RBFOX1: variants seen among roughly 807,000 people sequenced by gnomAD.
RBFOX1 encodes the protein RNA binding fox-1 homolog 1.
RBFOX1 carries 8 observed loss-of-function variants against 57.7 expected under a neutral mutation model. The ratio of observed to expected loss-of-function variants is 0.14; its 90% CI spans 0.08 to 0.25. The LOEUF (loss-of-function observed/expected upper bound fraction) is 0.25, where lower values mean the gene tolerates loss of function less well. Among genes scored for constraint, RBFOX1 ranks in the 10% least tolerant of loss-of-function variants. The probability of loss-of-function intolerance (pLI) is 1.00; values close to 1 mark genes in which losing one functional copy is unlikely to be tolerated. For missense variants in RBFOX1, 611 were observed against 548.5 expected (o/e 1.11, Z -1.14); for synonymous variants, 326 against 222.4 (o/e 1.47, Z -4.15).
intron 1 of RBFOX1, among the ~76,000 whole-genome samples, chr16:6,227,020 A>G (rs1169225478): frequency 6.6e-6 from 1 of 151,170 alleles, no homozygotes; most frequent in Admixed American, 6.6e-5. Flanking sequence ...GCTACTTGGG[A>G]GGCTGAGGCA....
chr16:6,331,130 G>A (rs1363016140), intron 2 of RBFOX1, among the ~76,000 whole-genome samples: 1 of 152,102 alleles, frequency 6.6e-6, no homozygotes, highest in Non-Finnish European at 1.5e-5. Flanking sequence ...TGAAGAGGAG[G>A]CAAAAAGAAC....
intron 2 of RBFOX1, among the ~76,000 whole-genome samples, chr16:5,507,210 C>T (rs2043409293): frequency 6.6e-6 from 1 of 152,140 alleles, no homozygotes; most frequent in African/African-American, 2.4e-5. Context: ...GAATAAGCAA[C>T]ACCAACCACT....
At chr16:5,668,661 C>A (rs763996646) in intron 3 of RBFOX1, among the ~76,000 whole-genome samples, 6 of 152,208 alleles carry the variant, frequency 3.9e-5, no homozygotes, top group Non-Finnish European at 8.8e-5. Flanking sequence ...CCAGCAGTTT[C>A]TTCCTCTCCT....
intron 5 of RBFOX1, among the ~76,000 whole-genome samples, chr16:7,537,925 C>G (rs2081940410): frequency 6.6e-6 from 1 of 152,186 alleles, no homozygotes. Context: ...AGAGAATCTG[C>G]CTTTTGGGCA....
intron 2 of RBFOX1, among the ~76,000 whole-genome samples, chr16:6,574,930 C>G (rs1021456704): frequency 6.6e-6 from 1 of 150,844 alleles, no homozygotes; most frequent in Non-Finnish European, 1.5e-5. Context: ...CCCAGCTACT[C>G]GGGAGGCTGA....
intron 2 of RBFOX1, among the ~76,000 whole-genome samples, chr16:5,483,174 A>T (rs2069605599): frequency 6.6e-6 from 1 of 152,206 alleles, no homozygotes; most frequent in Non-Finnish European, 1.5e-5. Context: ...TCATCCTCGG[A>T]GTCCAGAGTC....
intron 3 of RBFOX1, among the ~76,000 whole-genome samples, chr16:5,606,620 A>C (rs1298984422): frequency 1.3e-5 from 2 of 152,192 alleles, no homozygotes; most frequent in African/African-American, 4.8e-5. Flanking sequence ...AAGCGCTTGC[A>C]GTCTGTGAGG....
chr16:6,627,702 G>A (rs550251594), intron 2 of RBFOX1, among the ~76,000 whole-genome samples: 8 of 152,132 alleles, frequency 5.3e-5, no homozygotes, highest in Non-Finnish European at 1.0e-4. Context: ...AAACAAAGAC[G>A]CAAAAGTGAG....
chr16:7,709,446 ACTTTTTTTTTT>A (rs1308468024), intron 15 of RBFOX1: 7 of 1,373,446 alleles, frequency 5.1e-6, no homozygotes, highest in African/African-American at 1.5e-5. Context: ...TCAATGCAGA[ACTTTTTTTTTT>A]CTTTTTTTTT....
rs74485717 is a variant in RBFOX1, at chr16:7,445,148, T to G, written c.28-72999T>G. Among the ~76,000 whole-genome samples, 260 of 152,164 alleles carry G rather than the reference T, an allele frequency of 1.7e-3. 12 individuals carry two copies. In the East Asian group the frequency reaches 0.047, roughly 28 times the overall value. Reference sequence around the variant, plus strand: ...GGTACAGGGTGGGGATAGTCCCTTTTAAAGGGCTCAGCATGTGCCTGGGCA... The same window carrying G: ...GGTACAGGGTGGGGATAGTCCCTTTGAAAGGGCTCAGCATGTGCCTGGGCA... On this transcript the variant is annotated intron_variant, in intron 4 of 15. Transcript: ENST00000550418.
chr16:6,622,187 A>G (rs553624463), intron 2 of RBFOX1, among the ~76,000 whole-genome samples: 3 of 152,344 alleles, frequency 2.0e-5, no homozygotes, highest in African/African-American at 4.8e-5. Flanking sequence ...TATTTTTGCT[A>G]CATTCTTGGC....
chr16:7,136,924 G>A (rs1600637592), intron 4 of RBFOX1, among the ~76,000 whole-genome samples: 2 of 152,266 alleles, frequency 1.3e-5, no homozygotes, highest in South Asian at 4.1e-4. Context: ...GTTTGCGCTG[G>A]GGCCCTTTCA....
At chr16:7,645,243 G>A (rs1369005760) in intron 11 of RBFOX1, among the ~76,000 whole-genome samples, 1 of 152,126 alleles carries the variant, frequency 6.6e-6, no homozygotes, top group African/African-American at 2.4e-5. Context: ...GTTATGTAAA[G>A]AGATTCAATT....
Position 7,681,046 on chromosome 16 carries a change from A to G in RBFOX1, c.995+4208A>G, listed in dbSNP as rs77642418. Among the ~76,000 whole-genome samples the G allele has an allele frequency of 0.013, 2,042 of 152,276 alleles. 105 individuals carry two copies. The East Asian group carries it at 0.19, about 14-fold the overall frequency. ...TGCTAGAGAACGTAAGTTAAATATGACATTCATAACCTATGAATAAAAGGT... is the reference window on the plus strand; with the variant it reads ...TGCTAGAGAACGTAAGTTAAATATGGCATTCATAACCTATGAATAAAAGGT... On this transcript the variant is annotated intron_variant, in intron 14 of 15. Coordinates refer to ENST00000550418, the MANE Select transcript of RBFOX1 (RefSeq NM_018723.4).
chr16:6,695,957 A>G lies in RBFOX1; in HGVS notation c.-16+41307A>G, dbSNP rs72636205. Among the ~76,000 whole-genome samples the G allele has an allele frequency of 4.1e-3, 622 of 152,310 alleles. 19 individuals carry two copies. The East Asian group carries it at 0.059, about 14-fold the overall frequency. ...CTGTTCCTTTTATAACCACATTGCA[A>G]TAAGCTTTTAAAGAGATGTACAGAC... is the stretch of plus-strand genomic sequence containing the variant. On this transcript the variant is annotated intron_variant, in intron 3 of 15. Transcript: ENST00000550418.
In RBFOX1 at chr16:7,389,279, C is replaced by A. The variant is rs116520056; in HGVS notation, c.28-128868C>A. Among the ~76,000 whole-genome samples, 589 of 152,228 alleles carry A rather than the reference C, an allele frequency of 3.9e-3. 4 individuals are homozygous for A. The highest frequency in any genetic ancestry group is 0.014 in the African/African-American group (563 of 41,536). On this transcript the variant is annotated intron_variant, in intron 4 of 15. Transcript: ENST00000550418. ...TAGCTGGCAGCACAGGTGTGTGTCACCACGCCCAGCTAATTTTAGTATTTT... is the reference window on the plus strand; with the variant it reads ...TAGCTGGCAGCACAGGTGTGTGTCAACACGCCCAGCTAATTTTAGTATTTT...
chr16:6,766,600 C>T (rs775643156), intron 3 of RBFOX1, among the ~76,000 whole-genome samples: 4 of 151,832 alleles, frequency 2.6e-5, no homozygotes, highest in Non-Finnish European at 5.9e-5. Flanking sequence ...TCACATGGGA[C>T]TTGTGAGCAC....
chr16:5,706,713 T>G (rs4346207), intron 3 of RBFOX1, among the ~76,000 whole-genome samples: 41,783 of 151,840 alleles, frequency 0.28, 6,319 homozygotes, highest in East Asian at 0.63. Flanking sequence ...AATGAAATGA[T>G]TTTGGTATTT....
intron 1 of RBFOX1, among the ~76,000 whole-genome samples, chr16:5,425,308 GT>G (rs1328670404): frequency 3.9e-5 from 6 of 152,044 alleles, no homozygotes; most frequent in Non-Finnish European, 8.8e-5. Context: ...GCTTTACCAT[GT>G]TGGCCAGGCT....
Sources: allele counts gnomAD v4.1 joint callset (sites outside exome capture counted in the v4.1 genomes callset), GRCh38; gene constraint gnomAD v4.1.1; transcripts MANE v1.5; gene names NCBI Gene and HGNC (gene_info 2026-07-23, HGNC 2026-07-21).